Variants in DYNLT5 observed in about 807,000 individuals in gnomAD.
The protein encoded by DYNLT5 is dynein light chain Tctex-type 5.
Under a neutral mutation model 19.3 loss-of-function variants are expected in DYNLT5, and 25 were observed. The observed-to-expected ratio is 1.30, with a 90% CI of 0.95 to 1.81. DYNLT5 has a LOEUF of 1.81. Among genes scored for constraint, DYNLT5 ranks in the 40% most tolerant of loss-of-function variants. The pLI is 0.00. For synonymous variants in DYNLT5, 82 were observed against 68.9 expected (o/e 1.19, Z -0.94); for missense variants, 232 against 217.9 (o/e 1.06, Z -0.41).
At chr1:66,767,352 G>A (rs201405775) in intron 2 of DYNLT5, among the ~76,000 whole-genome samples, 2 of 152,002 alleles carry the variant, frequency 1.3e-5, no homozygotes, top group African/African-American at 4.8e-5. Flanking sequence ...CCTTCCTTTC[G>A]AGCTGTGCTT....
intron 2 of DYNLT5, among the ~76,000 whole-genome samples, chr1:66,766,288 T>C (rs528552784): frequency 2.0e-5 from 3 of 152,334 alleles, no homozygotes; most frequent in African/African-American, 7.2e-5. Context: ...CATTGTAAAC[T>C]AGGGAAAGTC....
chr1:66,764,652 C>T (rs1031331341), intron 2 of DYNLT5, among the ~76,000 whole-genome samples: 4 of 152,080 alleles, frequency 2.6e-5, no homozygotes, highest in Admixed American at 6.5e-5. Context: ...CAAAATGTGA[C>T]GTAGAGACAT....
At chr1:66,774,321 G>A (rs1645222387) in intron 3 of DYNLT5, among the ~76,000 whole-genome samples, 1 of 152,046 alleles carries the variant, frequency 6.6e-6, no homozygotes, top group African/African-American at 2.4e-5. Context: ...TCATTGTCCT[G>A]GCCTAGAGCA....
intron 2 of DYNLT5, among the ~76,000 whole-genome samples, chr1:66,760,554 T>C (rs2094644270): frequency 6.6e-6 from 1 of 152,234 alleles, no homozygotes; most frequent in African/African-American, 2.4e-5. Context: ...CAGATTTTCT[T>C]AATGTATACC....
chr1:66,772,034 T>A (rs1390497261), intron 3 of DYNLT5, among the ~76,000 whole-genome samples: 1 of 152,204 alleles, frequency 6.6e-6, no homozygotes, highest in Non-Finnish European at 1.5e-5. Context: ...TTTTATAGCA[T>A]TCAACCAGCC....
chr1:66,764,270 T>G (rs1371355282), intron 2 of DYNLT5, among the ~76,000 whole-genome samples: 3 of 152,236 alleles, frequency 2.0e-5, no homozygotes, highest in African/African-American at 7.2e-5. Flanking sequence ...AAGGCCTAGC[T>G]TTCAGCCTAT....
chr1:66,775,609 G>A (rs1353721597), intron 3 of DYNLT5: 1 of 152,160 alleles, frequency 6.6e-6, no homozygotes, highest in East Asian at 1.9e-4. Flanking sequence ...TGGATTAGGA[G>A]CCAGGATGGC....
chr1:66,772,137 C>T (rs1319274435), intron 3 of DYNLT5, among the ~76,000 whole-genome samples: 1 of 151,984 alleles, frequency 6.6e-6, no homozygotes, highest in Non-Finnish European at 1.5e-5. Flanking sequence ...GTGTATTAGT[C>T]CGTTTTTGCA....
At chr1:66,771,391 T>G (rs1242277019) in intron 3 of DYNLT5, among the ~76,000 whole-genome samples, 1 of 152,220 alleles carries the variant, frequency 6.6e-6, no homozygotes, top group Non-Finnish European at 1.5e-5. Context: ...CATCACCACT[T>G]TTGATCCTAG....
chr1:66,776,283 TC>T lies in DYNLT5; in HGVS notation c.219del (p.Lys74AsnfsTer12). On this transcript the variant is annotated frameshift_variant, in exon 4 of 5. Transcript: ENST00000282670. LOFTEE classifies it high-confidence loss of function. ...AAATTTTATGTGTATTTTCAGGTCC[TC>T]CCAAACATTTTCCTGTGGTCACCGT... ...QMENTYQLGP[P>X]KHFPVVTVNH... 1 of 1,612,316 alleles carries T rather than the reference TC, an allele frequency of 6.2e-7. No individual in the cohort carries two copies. The highest frequency in any genetic ancestry group is 8.5e-7 in the Non-Finnish European group (1 of 1,179,222).
At chr1:66,766,584 T>C (rs1394491416) in intron 2 of DYNLT5, among the ~76,000 whole-genome samples, 7 of 152,228 alleles carry the variant, frequency 4.6e-5, no homozygotes, top group Middle Eastern at 3.2e-3. Context: ...CATATTCTGG[T>C]TTAATGCTAT....
chr1:66,762,008 T>G (rs1318936384), intron 2 of DYNLT5, among the ~76,000 whole-genome samples: 3 of 152,122 alleles, frequency 2.0e-5, no homozygotes, highest in African/African-American at 7.2e-5. Context: ...ATTTCAACAG[T>G]GTTCACAGCA....
intron 3 of DYNLT5, among the ~76,000 whole-genome samples, chr1:66,772,252 T>C (rs1645208475): frequency 6.6e-6 from 1 of 152,342 alleles, no homozygotes; most frequent in Middle Eastern, 3.4e-3. Context: ...CATCTGCTTC[T>C]GGTAAGACCT....
In DYNLT5 at chr1:66,752,528, G is replaced by T; in HGVS notation, c.-60G>T. 1.0e-6 allele frequency: 1 copy of T among 985,580 alleles called. No homozygotes were observed. Among genetic ancestry groups the T allele is most frequent in the Non-Finnish European group, 1.2e-6 (1 of 830,028 alleles). 61.1% of individuals were successfully genotyped at this position (985,580 alleles called of 1,614,324 possible). On this transcript the variant is annotated 5_prime_UTR_variant, in exon 1 of 5. Transcript: ENST00000282670. ...CTGGGACGCGGGAGCCGCGCCGCGCGCAGTGTCTGCAGTGCCGGAGGTCTG... is the reference window on the plus strand; with the variant it reads ...CTGGGACGCGGGAGCCGCGCCGCGCTCAGTGTCTGCAGTGCCGGAGGTCTG...
chr1:66,773,616 A>G (rs1349606656), intron 3 of DYNLT5, among the ~76,000 whole-genome samples: 1 of 152,120 alleles, frequency 6.6e-6, no homozygotes. Context: ...CACTGTTCTA[A>G]ACATATTCAA....
intron 2 of DYNLT5, among the ~76,000 whole-genome samples, chr1:66,760,011 A>G (rs2094643050): frequency 6.6e-6 from 1 of 152,056 alleles, no homozygotes; most frequent in South Asian, 2.1e-4. Context: ...CTCTCTTCCT[A>G]GTATACCTTT....
intron 2 of DYNLT5, among the ~76,000 whole-genome samples, chr1:66,766,635 C>A (rs1216314173): frequency 1.3e-5 from 2 of 152,054 alleles, no homozygotes; most frequent in African/African-American, 4.8e-5. Flanking sequence ...TTCTCTTTTC[C>A]TTTTTTCTTT....
intron 2 of DYNLT5, among the ~76,000 whole-genome samples, chr1:66,768,382 T>C (rs1378006734): frequency 1.3e-5 from 2 of 152,216 alleles, no homozygotes; most frequent in East Asian, 3.8e-4. Flanking sequence ...TGTTTTGAAT[T>C]TGTAAAATGA....
At chr1:66,770,733 C>A in intron 3 of DYNLT5, 1 of 532,862 alleles carries the variant, frequency 1.9e-6, no homozygotes, top group Non-Finnish European at 3.4e-6. Flanking sequence ...ATACAGTATA[C>A]TACTGACTTA....
Sources: allele counts gnomAD v4.1 joint callset (sites outside exome capture counted in the v4.1 genomes callset), GRCh38; gene constraint gnomAD v4.1.1; transcripts MANE v1.5; gene names NCBI Gene and HGNC (gene_info 2026-07-23, HGNC 2026-07-21).